Variants in THSD4 observed in about 807,000 individuals in gnomAD.
The protein encoded by THSD4 is thrombospondin type-1 domain-containing protein 4.
A neutral mutation model predicts 119.0 loss-of-function variants in THSD4; 69 were observed. The observed-to-expected ratio is 0.58, with a 90% CI of 0.48 to 0.71. THSD4 has a LOEUF of 0.71. THSD4 is among the 30% of genes least tolerant of loss of function. The pLI is 0.00. For synonymous variants in THSD4, 524 were observed against 540.4 expected, an observed-to-expected ratio of 0.97 and a Z score of 0.42; for missense variants, 1,393 against 1,391.1, an observed-to-expected ratio of 1.00 and a Z score of -0.02.
chr15:71,262,649 A>AAG (rs34674819), intron 6 of THSD4, among the ~76,000 whole-genome samples: 150,537 of 152,230 alleles, frequency 0.99, 74,448 homozygotes, highest in Middle Eastern at 1. Flanking sequence ...AGCTGAACTA[A>AAG]AGAGTGGCAA....
intron 7 of THSD4, among the ~76,000 whole-genome samples, chr15:71,600,764 C>T (rs1248014866): frequency 2.1e-5 from 3 of 146,226 alleles, no homozygotes; most frequent in African/African-American, 7.8e-5. Flanking sequence ...TTTTTTGAGA[C>T]AGAGTCTTGC....
rs986686754 is a variant in THSD4, at chr15:71,603,711, A to G, written c.1153-56819A>G. Among the ~76,000 whole-genome samples the G allele has an allele frequency of 5.3e-5, 8 of 152,300 alleles. No homozygotes were observed. The East Asian group carries it at 1.5e-3, about 29-fold the overall frequency. On this transcript the variant is annotated intron_variant, in intron 7 of 17. Coordinates refer to ENST00000261862, the MANE Select transcript of THSD4 (RefSeq NM_024817.3). ...AGGGTCTTTGGAAGGGGGCCAGATTATGAATGGCTTGAAATGCCTCTCCCT... is the reference window on the plus strand; with the variant it reads ...AGGGTCTTTGGAAGGGGGCCAGATTGTGAATGGCTTGAAATGCCTCTCCCT...
At chr15:71,761,032 T>G (rs1414798963) in intron 15 of THSD4, among the ~76,000 whole-genome samples, 3 of 152,236 alleles carry the variant, frequency 2.0e-5, no homozygotes, top group African/African-American at 7.2e-5. Flanking sequence ...AACCTCTGTA[T>G]TTTAAGAGTT....
At position 71,443,046 on chromosome 15, in the gene THSD4, A is replaced by G. The variant is rs1470695855; in HGVS notation, c.1152+31223A>G. On this transcript the variant is annotated intron_variant, in intron 7 of 17. Transcript: ENST00000261862. ...GAAATGTTGAAAGAATTATGAATACACTAAAAATACAAGAGAAAGGGGGAG... is the reference window on the plus strand; with the variant it reads ...GAAATGTTGAAAGAATTATGAATACGCTAAAAATACAAGAGAAAGGGGGAG... Among the ~76,000 whole-genome samples the G allele has an allele frequency of 4.6e-5, 7 of 152,204 alleles. No homozygotes were observed. The East Asian group carries it at 9.7e-4, about 21-fold the overall frequency.
At chr15:71,537,750 A>AT (rs1286401919) in intron 7 of THSD4, among the ~76,000 whole-genome samples, 1 of 151,608 alleles carries the variant, frequency 6.6e-6, no homozygotes, top group Admixed American at 6.6e-5. Flanking sequence ...CTTTAAAAAA[A>AT]TTTTTTTTTA....
intron 6 of THSD4, among the ~76,000 whole-genome samples, chr15:71,285,736 C>T (rs962961172): frequency 1.3e-5 from 2 of 151,806 alleles, no homozygotes; most frequent in African/African-American, 4.8e-5. Context: ...CACCTGTAGT[C>T]CCAGCTATTC....
intron 7 of THSD4, among the ~76,000 whole-genome samples, chr15:71,470,956 T>A (rs866611201): frequency 1.3e-5 from 2 of 152,344 alleles, no homozygotes; most frequent in Middle Eastern, 6.8e-3. Flanking sequence ...TTTAAACTCA[T>A]ATATAGTTTG....
At chr15:71,233,580 A>G (rs541800866) in intron 4 of THSD4, among the ~76,000 whole-genome samples, 5 of 152,300 alleles carry the variant, frequency 3.3e-5, no homozygotes, top group African/African-American at 1.2e-4. Context: ...AGAGCTTTCT[A>G]TATCAGTATA....
In THSD4 at chr15:71,373,239, T is replaced by G. The variant is rs186582411; in HGVS notation, c.1016-38448T>G. 6.1e-4 allele frequency among the ~76,000 whole-genome samples: 93 copies of G among 152,324 alleles called. 2 individuals carry two copies. In the East Asian group the frequency reaches 0.016, roughly 26 times the overall value. The stretch of plus-strand genomic sequence containing the variant: ...AAAAATAATTCTTAATAATTTCTAG[T>G]TTTATTGCTTTTTGGGTCAGAAATA... On this transcript the variant is annotated intron_variant, in intron 6 of 17. Coordinates refer to ENST00000261862, the MANE Select transcript of THSD4 (RefSeq NM_024817.3).
In THSD4 at chr15:71,664,830, C is replaced by A. The variant is rs545065097; in HGVS notation, c.1357+4096C>A. Among the ~76,000 whole-genome samples the A allele has an allele frequency of 3.3e-5, 5 of 152,270 alleles. No individual in the cohort carries two copies. In the South Asian group the frequency reaches 8.3e-4, roughly 25 times the overall value. ...TTCCTGCAAAGGACATTGTCTTATT[C>A]TTTTTATGGCTGCATACTATTCCAT... On this transcript the variant is annotated intron_variant, in intron 8 of 17. Transcript: ENST00000261862.
At position 71,782,500 on chromosome 15, in the gene THSD4, C is replaced by T. The variant is rs1004495530; in HGVS notation, c.*5126C>T. 6 of 152,314 alleles carry T rather than the reference C, an allele frequency of 3.9e-5. No homozygotes were observed. The highest frequency in any genetic ancestry group is 1.2e-4 in the African/African-American group (5 of 41,574). The allele number at this position is 152,314 out of a possible 1,614,324, so 9.4% of individuals were successfully genotyped here. A position where few individuals can be genotyped will look rare whatever the true frequency, so the allele number is the denominator to read the frequency against. Reference sequence around the variant, plus strand: ...TCTGAACTCTATCTGCAGAATGAGTCACTACACCAAAATAGTTCTATTATT... The same window carrying T: ...TCTGAACTCTATCTGCAGAATGAGTTACTACACCAAAATAGTTCTATTATT... On this transcript the variant is annotated 3_prime_UTR_variant, in exon 18 of 18. Coordinates refer to ENST00000261862, the MANE Select transcript of THSD4 (RefSeq NM_024817.3).
chr15:71,496,419 C>T (rs548894505), intron 7 of THSD4, among the ~76,000 whole-genome samples: 2 of 152,160 alleles, frequency 1.3e-5, no homozygotes, highest in South Asian at 2.1e-4. Context: ...AAGAAGTCTG[C>T]GTATGGGCAG....
At chr15:71,666,594 T>C (rs367613032) in intron 8 of THSD4, among the ~76,000 whole-genome samples, 8 of 152,238 alleles carry the variant, frequency 5.3e-5, no homozygotes, top group African/African-American at 1.9e-4. Flanking sequence ...ATTAATACTT[T>C]GCTTATTCCA....
chr15:71,143,193 G>C (rs760819677), intron 2 of THSD4, among the ~76,000 whole-genome samples: 1 of 152,140 alleles, frequency 6.6e-6, no homozygotes, highest in Non-Finnish European at 1.5e-5. Flanking sequence ...ATTGAGCCAC[G>C]AGGAGGACAG....
At chr15:71,420,651 T>G (rs2046796151) in intron 7 of THSD4, among the ~76,000 whole-genome samples, 1 of 107,620 alleles carries the variant, frequency 9.3e-6, no homozygotes, top group South Asian at 2.9e-4. Context: ...TGTTTTTTGG[T>G]TTGGTTACCA....
At chr15:71,618,725 C>T (rs2050366143) in intron 7 of THSD4, among the ~76,000 whole-genome samples, 1 of 151,972 alleles carries the variant, frequency 6.6e-6, no homozygotes, top group African/African-American at 2.4e-5. Context: ...AGGTGCGTGT[C>T]ACCACACCAG....
chr15:71,243,008 G>A lies in THSD4; in HGVS notation c.824G>A (p.Gly275Glu). 6.2e-7 allele frequency: 1 copy of A among 1,614,176 alleles called. No individual in the cohort carries two copies. Among genetic ancestry groups the A allele is most frequent in the Non-Finnish European group, 8.5e-7 (1 of 1,180,034 alleles). The change falls in exon 5 of 18, where the codon GGG (glycine) becomes GAG (glutamate). Residue 275 changes from glycine (G) to glutamate (E), a missense_variant. By Grantham distance (98) the Gly-to-Glu change is moderately conservative (BLOSUM62 -2). Transcript: ENST00000261862. ...TSNNHGVGTH[G>E]ATQSFSQPAR... ...AACAACCACGGTGTGGGGACCCATG[G>A]GGCAACTCAGAGCTTCTCTCAGCCT...
intron 6 of THSD4, among the ~76,000 whole-genome samples, chr15:71,267,959 A>G (rs527821736): frequency 1.3e-5 from 2 of 152,286 alleles, no homozygotes; most frequent in South Asian, 4.2e-4. Flanking sequence ...GATTCATAAA[A>G]CAACTTCTTA....
intron 7 of THSD4, among the ~76,000 whole-genome samples, chr15:71,516,023 G>A (rs2048356334): frequency 6.6e-6 from 1 of 152,104 alleles, no homozygotes. Context: ...CTTATCCTGG[G>A]CATGCCAAGG....
Sources: allele counts gnomAD v4.1 joint callset (sites outside exome capture counted in the v4.1 genomes callset), GRCh38; gene constraint gnomAD v4.1.1; transcripts MANE v1.5; gene names NCBI Gene and HGNC (gene_info 2026-07-23, HGNC 2026-07-21).